The following AGBL4 variants were observed in gnomAD, a reference collection of about 807,000 sequenced individuals.
AGBL4 encodes AGBL carboxypeptidase 4.
In AGBL4, 58 loss-of-function variants were observed where a neutral mutation model predicts 66.4. That is an observed-to-expected ratio of 0.87 (90% CI 0.71 to 1.09). AGBL4 has a LOEUF of 1.09. Ranked by LOEUF, AGBL4 falls within the 50% of genes least tolerant of loss-of-function variation. AGBL4 has a pLI of 0.00. For synonymous variants in AGBL4, 234 were observed against 222.9 expected (o/e 1.05, Z -0.44); for missense variants, 579 against 631.0 (o/e 0.92, Z 0.88).
intron 1 of AGBL4, among the ~76,000 whole-genome samples, chr1:49,963,658 G>A (rs1657306829): frequency 6.6e-6 from 1 of 152,022 alleles, no homozygotes; most frequent in African/African-American, 2.4e-5. Flanking sequence ...TGAATTCAGG[G>A]TTCTGAATGT....
At chr1:48,831,741 A>C (rs1401509188) in intron 6 of AGBL4, among the ~76,000 whole-genome samples, 7 of 152,198 alleles carry the variant, frequency 4.6e-5, no homozygotes, top group Non-Finnish European at 8.8e-5. Context: ...GTTACATTGA[A>C]ATCTATTCTC....
At chr1:49,301,936 G>C (rs887806438) in intron 3 of AGBL4, among the ~76,000 whole-genome samples, 8 of 151,974 alleles carry the variant, frequency 5.3e-5, no homozygotes, top group Non-Finnish European at 2.9e-5. Context: ...CAAATTCTCT[G>C]GAGGATGGAT....
At chr1:49,317,609 T>C (rs1369605974) in intron 3 of AGBL4, among the ~76,000 whole-genome samples, 3 of 151,834 alleles carry the variant, frequency 2.0e-5, no homozygotes, top group African/African-American at 4.8e-5. Context: ...CTAGAGCCTT[T>C]CTGGACTTCT....
At chr1:49,375,785 T>C (rs962813562) in intron 3 of AGBL4, among the ~76,000 whole-genome samples, 1 of 152,078 alleles carries the variant, frequency 6.6e-6, no homozygotes, top group Non-Finnish European at 1.5e-5. Flanking sequence ...AAAGATTCCA[T>C]ATACAGTTCA....
intron 1 of AGBL4, among the ~76,000 whole-genome samples, chr1:49,925,712 C>A (rs1376576055): frequency 6.6e-6 from 1 of 152,212 alleles, no homozygotes; most frequent in African/African-American, 2.4e-5. Flanking sequence ...GCCCTTGGAT[C>A]TGAAGTGAAA....
chr1:49,814,142 G>C (rs1322149878), intron 2 of AGBL4, among the ~76,000 whole-genome samples: 1 of 152,110 alleles, frequency 6.6e-6, no homozygotes, highest in Non-Finnish European at 1.5e-5. Flanking sequence ...CTTATTAGCA[G>C]CATGAGAGCT....
intron 4 of AGBL4, among the ~76,000 whole-genome samples, chr1:49,169,259 C>A (rs548055073): frequency 6.6e-6 from 1 of 152,156 alleles, no homozygotes; most frequent in East Asian, 1.9e-4. Flanking sequence ...ACAGTACTTA[C>A]CCTCTGCTCT....
intron 3 of AGBL4, among the ~76,000 whole-genome samples, chr1:49,438,452 C>T (rs192729124): frequency 4.6e-5 from 7 of 152,188 alleles, no homozygotes; most frequent in African/African-American, 1.7e-4. Flanking sequence ...GCCCTTGTAT[C>T]TTCTTTATGG....
chr1:49,646,002 C>T (rs1264108899), intron 3 of AGBL4, among the ~76,000 whole-genome samples: 1 of 151,586 alleles, frequency 6.6e-6, no homozygotes, highest in East Asian at 1.9e-4. Flanking sequence ...TCTCCGTAAA[C>T]TACTAATAGA....
Position 49,568,952 on chromosome 1 carries a change from A to G in AGBL4, c.282+128361T>C, listed in dbSNP as rs781397085. The stretch of plus-strand genomic sequence containing the variant: ...TCCCGCGTTTGTTACAACACTGTTT[A>G]TGATAGCTAAAATTTGGAAGTAACC... On this transcript the variant is annotated intron_variant, in intron 3 of 13. Coordinates refer to ENST00000371839, the MANE Select transcript of AGBL4 (RefSeq NM_032785.4). Among the ~76,000 whole-genome samples, 71 of 152,366 alleles carry G rather than the reference A, an allele frequency of 4.7e-4. 1 individual carries two copies. In the Middle Eastern group the frequency reaches 0.014, roughly 29 times the overall value.
chr1:49,494,086 T>C (rs1331424643), intron 3 of AGBL4, among the ~76,000 whole-genome samples: 1 of 151,958 alleles, frequency 6.6e-6, no homozygotes, highest in Non-Finnish European at 1.5e-5. Flanking sequence ...TACAGGACAG[T>C]TTAGGGTATA....
intron 3 of AGBL4, among the ~76,000 whole-genome samples, chr1:49,569,969 T>A (rs1157773652): frequency 2.6e-5 from 4 of 152,198 alleles, no homozygotes; most frequent in African/African-American, 7.2e-5. Flanking sequence ...CACATTTTTT[T>A]ATTCAGTCAT....
At chr1:48,840,131 C>T (rs746840936) in intron 6 of AGBL4, among the ~76,000 whole-genome samples, 6 of 152,098 alleles carry the variant, frequency 3.9e-5, no homozygotes, top group South Asian at 2.1e-4. Context: ...CACACGTTCA[C>T]GCTACCTTCA....
chr1:49,737,550 G>A (rs546609939), intron 2 of AGBL4, among the ~76,000 whole-genome samples: 1 of 152,250 alleles, frequency 6.6e-6, no homozygotes, highest in South Asian at 2.1e-4. Flanking sequence ...AGAGACAGGG[G>A]CAAGAGCTGA....
intron 6 of AGBL4, among the ~76,000 whole-genome samples, chr1:48,826,896 T>G (rs532190414): frequency 3.1e-4 from 47 of 152,272 alleles, no homozygotes; most frequent in African/African-American, 1.1e-3. Context: ...CTTATCCCCA[T>G]GCCCCGGAGT....
At chr1:49,770,151 T>C (rs1163957745) in intron 2 of AGBL4, among the ~76,000 whole-genome samples, 2 of 152,160 alleles carry the variant, frequency 1.3e-5, no homozygotes, top group Non-Finnish European at 2.9e-5. Flanking sequence ...CTGGCTAACA[T>C]GGTGAAACCC....
chr1:48,874,730 T>G (rs560329640), intron 5 of AGBL4, among the ~76,000 whole-genome samples: 1 of 152,244 alleles, frequency 6.6e-6, no homozygotes, highest in East Asian at 1.9e-4. Context: ...CTGATTCTCA[T>G]CTGGCTGGAG....
chr1:49,012,964 T>C (rs1662558530), intron 5 of AGBL4, among the ~76,000 whole-genome samples: 1 of 152,208 alleles, frequency 6.6e-6, no homozygotes, highest in Admixed American at 6.5e-5. Context: ...GGATCTGTTA[T>C]AAAAGCCAGG....
At chr1:48,536,325 A>G (rs1643970274) in intron 12 of AGBL4, among the ~76,000 whole-genome samples, 1 of 152,130 alleles carries the variant, frequency 6.6e-6, no homozygotes, top group African/African-American at 2.4e-5. Context: ...GGGTGCTCAC[A>G]GGGGTGGAGG....
Sources: gnomAD v4.1 joint callset for allele counts (sites outside exome capture counted in the v4.1 genomes callset) on GRCh38, gnomAD v4.1.1 for gene constraint, MANE v1.5 for transcripts, NCBI Gene and HGNC (gene_info 2026-07-23, HGNC 2026-07-21) for gene names.